The following RDX variants were observed in gnomAD, a reference collection of about 807,000 sequenced individuals.
The protein encoded by RDX is deafness, autosomal recessive 24.
A neutral mutation model predicts 83.7 loss-of-function variants in RDX; 32 were observed. The observed-to-expected ratio is 0.38, with a 90% CI of 0.29 to 0.51. RDX has a LOEUF of 0.51. Ranked by LOEUF, RDX falls within the 20% of genes least tolerant of loss-of-function variation. RDX has a pLI of 0.87. For synonymous variants in RDX, 229 were observed against 222.7 expected (o/e 1.03, Z -0.25); for missense variants, 600 against 689.9 (o/e 0.87, Z 1.46).
intron 14 of RDX, among the ~76,000 whole-genome samples, chr11:110,218,206 G>T (rs562924017): frequency 1.3e-5 from 2 of 152,294 alleles, no homozygotes; most frequent in East Asian, 3.9e-4. Context: ...TCTTGTTCTT[G>T]TTATTCTTGG....
intron 10 of RDX, among the ~76,000 whole-genome samples, chr11:110,240,352 C>A (rs1319642476): frequency 3.3e-5 from 5 of 152,060 alleles, no homozygotes; most frequent in Admixed American, 3.3e-4. Context: ...GATAAATAAA[C>A]TGGTGGTTAT....
At chr11:110,217,730 C>T (rs866843153) in intron 14 of RDX, among the ~76,000 whole-genome samples, 4 of 152,144 alleles carry the variant, frequency 2.6e-5, no homozygotes, top group African/African-American at 7.2e-5. Context: ...GATACGCCCT[C>T]GGCCCTAAAG....
chr11:110,215,036 C>CAAAA (rs1195888196), intron 14 of RDX, among the ~76,000 whole-genome samples: 1 of 125,768 alleles, frequency 8.0e-6, no homozygotes, highest in Non-Finnish European at 1.7e-5. Context: ...GGAGACCTAA[C>CAAAA]AAAAAAAAAA....
intron 14 of RDX, among the ~76,000 whole-genome samples, chr11:110,208,979 T>C (rs993265606): frequency 6.6e-6 from 1 of 152,116 alleles, no homozygotes; most frequent in African/African-American, 2.4e-5. Flanking sequence ...TTAAAAAATA[T>C]AATGCGGAAG....
At chr11:110,175,823 G>T (rs1359722429) in intron 15 of RDX, among the ~76,000 whole-genome samples, 2 of 152,240 alleles carry the variant, frequency 1.3e-5, no homozygotes, top group Non-Finnish European at 1.5e-5. Flanking sequence ...AGATTTATGG[G>T]TTTGCTCTGT....
At chr11:110,176,935 C>T (rs1183552077) in intron 15 of RDX, among the ~76,000 whole-genome samples, 1 of 152,232 alleles carries the variant, frequency 6.6e-6, no homozygotes, top group Non-Finnish European at 1.5e-5. Flanking sequence ...CGCAACATCG[C>T]ACAGTCGGCT....
intron 14 of RDX, among the ~76,000 whole-genome samples, chr11:110,208,746 C>T (rs953123917): frequency 6.6e-6 from 1 of 152,102 alleles, no homozygotes; most frequent in African/African-American, 2.4e-5. Flanking sequence ...CACTTGAGGC[C>T]AGGAGTTCAA....
chr11:110,285,308 C>G (rs1309384289), intron 1 of RDX, among the ~76,000 whole-genome samples: 1 of 152,068 alleles, frequency 6.6e-6, no homozygotes, highest in East Asian at 1.9e-4. Context: ...TTGCACGAAC[C>G]TGGGAGGCAG....
chr11:110,254,313 G>A (rs887026266), intron 8 of RDX, among the ~76,000 whole-genome samples: 10 of 152,084 alleles, frequency 6.6e-5, no homozygotes, highest in African/African-American at 2.4e-4. Flanking sequence ...TATCCAACCA[G>A]TTTTGTAAAG....
chr11:110,214,875 A>G (rs1466931836), intron 14 of RDX, among the ~76,000 whole-genome samples: 2 of 147,472 alleles, frequency 1.4e-5, no homozygotes, highest in Non-Finnish European at 3.0e-5. Flanking sequence ...TAGCATCGGG[A>G]GATATACCTA....
At chr11:110,215,159 G>C in intron 14 of RDX, among the ~76,000 whole-genome samples, 1 of 150,176 alleles carries the variant, frequency 6.7e-6, no homozygotes, top group East Asian at 1.9e-4. Flanking sequence ...AGGAGATCGA[G>C]ACAATCCTGG....
intron 15 of RDX, among the ~76,000 whole-genome samples, chr11:110,179,514 T>C (rs1322456097): frequency 6.6e-6 from 1 of 152,240 alleles, no homozygotes; most frequent in East Asian, 1.9e-4. Flanking sequence ...GGCTCATGCC[T>C]GTAATCCCAG....
intron 3 of RDX, 99 bp downstream of exon 3, chr11:110,272,437 G>A (rs1296856074): frequency 1.2e-6 from 1 of 803,064 alleles, no homozygotes; most frequent in Non-Finnish European, 2.1e-6. Flanking sequence ...GTGGTACACT[G>A]TTGGATTATC....
intron 1 of RDX, among the ~76,000 whole-genome samples, chr11:110,294,765 C>T (rs1458869537): frequency 6.6e-6 from 1 of 151,934 alleles, no homozygotes; most frequent in Admixed American, 6.6e-5. Flanking sequence ...TTCCCTACAC[C>T]CAAATTAATT....
chr11:110,279,514 A>C (rs756227034), intron 2 of RDX, among the ~76,000 whole-genome samples, 167 bp downstream of exon 2: 2 of 152,246 alleles, frequency 1.3e-5, no homozygotes, highest in Non-Finnish European at 2.9e-5. Context: ...CAACAGAGCA[A>C]CACTGTGTTT....
At chr11:110,218,872 G>C (rs1000358111) in intron 14 of RDX, among the ~76,000 whole-genome samples, 1 of 152,154 alleles carries the variant, frequency 6.6e-6, no homozygotes, top group African/African-American at 2.4e-5. Flanking sequence ...AGCTCTCAGA[G>C]CTCATCTATC....
chr11:110,291,332 AGAG>A (rs1411397907), intron 1 of RDX, among the ~76,000 whole-genome samples: 1 of 152,044 alleles, frequency 6.6e-6, no homozygotes, highest in Non-Finnish European at 1.5e-5. Context: ...ACAGTGACAG[AGAG>A]AAGGAGGGAG....
chr11:110,215,369 T>TAAAA (rs1565295774), intron 14 of RDX, among the ~76,000 whole-genome samples: 1 of 57,168 alleles, frequency 1.7e-5, no homozygotes, highest in African/African-American at 9.1e-5. Context: ...TCTCAAAAAA[T>TAAAA]AAATAAATAA....
intron 15 of RDX, among the ~76,000 whole-genome samples, chr11:110,177,918 C>T (rs11213290): frequency 0.28 from 43,046 of 151,874 alleles, 6,358 homozygotes; most frequent in East Asian, 0.53. Flanking sequence ...TCCCTGTGCC[C>T]TCCCCGACAC....
Sources: allele counts gnomAD v4.1 joint callset (sites outside exome capture counted in the v4.1 genomes callset), GRCh38; gene constraint gnomAD v4.1.1; transcripts MANE v1.5; gene names NCBI Gene and HGNC (gene_info 2026-07-23, HGNC 2026-07-21).